Variants in HPSE2 observed in about 807,000 individuals in gnomAD.
HPSE2 encodes heparanase 2 (inactive), also known as inactive heparanase-2.
Under a neutral mutation model 60.5 loss-of-function variants are expected in HPSE2, and 38 were observed. That is an observed-to-expected ratio of 0.63 (90% CI 0.48 to 0.82). The LOEUF (loss-of-function observed/expected upper bound fraction) is 0.82, where lower values mean the gene tolerates loss of function less well. HPSE2 is among the 40% of genes least tolerant of loss of function. The pLI is 0.00. For synonymous variants in HPSE2, 295 were observed against 293.2 expected (o/e 1.01, Z -0.06); for missense variants, 713 against 740.4 (o/e 0.96, Z 0.43).
chr10:99,001,096 C>A (rs1956768189), intron 3 of HPSE2, among the ~76,000 whole-genome samples: 1 of 152,032 alleles, frequency 6.6e-6, no homozygotes. Context: ...AAATAAACAA[C>A]CTCATTTCTC....
chr10:99,235,554 C>G lies in HPSE2; in HGVS notation c.249G>C (p.Leu83=). The part of the protein sequence containing the change: ...TVNENFLSLQ[L]DPSIIHDGWL... ...AGCCATCATGAATGATGGACGGATC[C>G]AGCTGCAGAGAGAGGAAGTTCTCAT... Residue 83 remains leucine (L), a synonymous_variant, in exon 1 of 12, where the codon CTG becomes CTC. Transcript: ENST00000370552. The G allele has an allele frequency of 6.2e-7, 1 of 1,614,058 alleles. No individual in the cohort carries two copies. Among genetic ancestry groups the G allele is most frequent in the East Asian group, 2.2e-5 (1 of 44,856 alleles).
intron 9 of HPSE2, among the ~76,000 whole-genome samples, chr10:98,599,682 A>C (rs911052825): frequency 2.6e-5 from 4 of 152,100 alleles, no homozygotes; most frequent in Non-Finnish European, 4.4e-5. Flanking sequence ...CTAGGGTTGG[A>C]GGAGTGGTAT....
At chr10:98,765,674 C>T (rs986942993) in intron 3 of HPSE2, among the ~76,000 whole-genome samples, 3 of 151,938 alleles carry the variant, frequency 2.0e-5, no homozygotes, top group Admixed American at 1.3e-4. Flanking sequence ...CCCATCTCTA[C>T]TAAAAATACA....
rs954590608 is a variant in HPSE2 at position 99,021,656 on chromosome 10, T to A, written c.610+122582A>T. ...ATTGATTAATTGAGTAGCTTAGTGGTATAATGCAAGTCCTTTCCAATTTCT... is the reference window on the plus strand; with the variant it reads ...ATTGATTAATTGAGTAGCTTAGTGGAATAATGCAAGTCCTTTCCAATTTCT... On this transcript the variant is annotated intron_variant, in intron 3 of 11. Coordinates refer to ENST00000370552, the MANE Select transcript of HPSE2 (RefSeq NM_021828.5). Among the ~76,000 whole-genome samples, 4 of 152,280 alleles carry A rather than the reference T, an allele frequency of 2.6e-5. No individual in the cohort carries two copies. In the East Asian group the frequency reaches 7.7e-4, roughly 29 times the overall value.
At chr10:98,623,843 GA>G (rs113688088) in intron 7 of HPSE2, among the ~76,000 whole-genome samples, 9,538 of 150,968 alleles carry the variant, frequency 0.063, 1,008 homozygotes, top group African/African-American at 0.22. Context: ...TATGGGAAAT[GA>G]AAAAAAAAGT....
At chr10:98,816,063 G>C (rs951008880) in intron 3 of HPSE2, among the ~76,000 whole-genome samples, 2 of 149,780 alleles carry the variant, frequency 1.3e-5, no homozygotes, top group African/African-American at 2.5e-5. Flanking sequence ...AGCATTAGGA[G>C]ATATACCTAA....
the HPSE2 span, among the ~76,000 whole-genome samples, chr10:99,312,070 G>A: frequency 4.6e-5 from 7 of 152,264 alleles, no homozygotes; most frequent in East Asian, 1.4e-3. Flanking sequence ...AAGTTGCCCA[G>A]GAAAAGTTGG....
intron 3 of HPSE2, among the ~76,000 whole-genome samples, chr10:98,830,659 T>C (rs1199921120): frequency 1.3e-5 from 2 of 152,218 alleles, no homozygotes; most frequent in Non-Finnish European, 2.9e-5. Context: ...TATGAAAATT[T>C]TAGCTTTGCT....
At chr10:98,793,196 G>C (rs10883203) in intron 3 of HPSE2, among the ~76,000 whole-genome samples, 5,779 of 152,252 alleles carry the variant, frequency 0.038, 237 homozygotes, top group East Asian at 0.17. Flanking sequence ...TGAAAACTCT[G>C]TTCTCCCTAA....
intron 3 of HPSE2, among the ~76,000 whole-genome samples, chr10:98,972,692 C>A (rs1269510966): frequency 2.0e-5 from 3 of 152,074 alleles, no homozygotes; most frequent in African/African-American, 7.2e-5. Flanking sequence ...TTCCTTATTC[C>A]TGTCTTCTCT....
chr10:98,947,012 A>C (rs1955206169), intron 3 of HPSE2, among the ~76,000 whole-genome samples: 1 of 151,288 alleles, frequency 6.6e-6, no homozygotes, highest in African/African-American at 2.4e-5. Flanking sequence ...AAGGAGTGCC[A>C]CTAGTGATGC....
intron 3 of HPSE2, among the ~76,000 whole-genome samples, chr10:98,958,993 A>G (rs1353300845): frequency 6.6e-6 from 1 of 152,100 alleles, no homozygotes; most frequent in Non-Finnish European, 1.5e-5. Context: ...TGGGAAAAAT[A>G]TCTATTTTAA....
intron 3 of HPSE2, among the ~76,000 whole-genome samples, chr10:99,037,686 A>T (rs951687058): frequency 3.9e-5 from 6 of 151,938 alleles, no homozygotes; most frequent in African/African-American, 1.4e-4. Context: ...ATGAGAGAAG[A>T]CTTGCATCAA....
At chr10:98,954,832 T>C (rs895604844) in intron 3 of HPSE2, among the ~76,000 whole-genome samples, 1 of 152,002 alleles carries the variant, frequency 6.6e-6, no homozygotes, top group African/African-American at 2.4e-5. Flanking sequence ...GGTTATGTGA[T>C]AGTGAAACTA....
chr10:98,567,255 A>C (rs1944373415), intron 9 of HPSE2, among the ~76,000 whole-genome samples: 1 of 152,242 alleles, frequency 6.6e-6, no homozygotes, highest in Admixed American at 6.5e-5. Flanking sequence ...AGAAGGGCTC[A>C]CATACATCCC....
chr10:99,073,472 T>C (rs1842862755), intron 3 of HPSE2, among the ~76,000 whole-genome samples: 1 of 151,768 alleles, frequency 6.6e-6, no homozygotes, highest in African/African-American at 2.4e-5. Context: ...CTGGGGCCTG[T>C]TGGGGGTGGG....
At chr10:99,260,870 C>T in the HPSE2 span, among the ~76,000 whole-genome samples, 1 of 152,280 alleles carries the variant, frequency 6.6e-6, no homozygotes, top group Admixed American at 6.5e-5. Context: ...CCTTCTTCTC[C>T]CTTAGCCTAT....
At chr10:98,647,982 G>A (rs1345920479) in intron 6 of HPSE2, among the ~76,000 whole-genome samples, 1 of 152,192 alleles carries the variant, frequency 6.6e-6, no homozygotes, top group Non-Finnish European at 1.5e-5. Context: ...GTGGAAAAAT[G>A]TTATAGAAAA....
At chr10:99,106,230 C>T (rs1404305266) in intron 3 of HPSE2, among the ~76,000 whole-genome samples, 1 of 143,400 alleles carries the variant, frequency 7.0e-6, no homozygotes, top group East Asian at 2.1e-4. Context: ...TTGAGTTCTC[C>T]AATCCATGAT....
Sources: allele counts gnomAD v4.1 joint callset (sites outside exome capture counted in the v4.1 genomes callset), GRCh38; gene constraint gnomAD v4.1.1; transcripts MANE v1.5; gene names NCBI Gene and HGNC (gene_info 2026-07-23, HGNC 2026-07-21).